The following RARB variants were observed in gnomAD, a reference collection of about 807,000 sequenced individuals.
RARB encodes retinoic acid receptor beta, also known as HBV-activated protein.
A neutral mutation model predicts 51.9 loss-of-function variants in RARB; 17 were observed. That is an observed-to-expected ratio of 0.33 (90% confidence interval 0.22 to 0.49). The LOEUF (loss-of-function observed/expected upper bound fraction) is 0.49, where lower values mean the gene tolerates loss of function less well. Among genes scored for constraint, RARB ranks in the 20% least tolerant of loss-of-function variants. The pLI, the probability that RARB is intolerant of heterozygous loss-of-function variation, is 0.99. For synonymous variants in RARB, 215 were observed against 195.4 expected (o/e 1.10, Z -0.84); for missense variants, 369 against 550.8 (o/e 0.67, Z 3.30).
intron 2 of RARB, among the ~76,000 whole-genome samples, chr3:25,489,715 C>G (rs1434962040): frequency 1.3e-5 from 2 of 152,152 alleles, no homozygotes; most frequent in African/African-American, 4.8e-5. Context: ...CAGTCCTGAA[C>G]CAAAGAACAA....
At chr3:25,074,592 T>G (rs922720458) in intron 3 of RARB, among the ~76,000 whole-genome samples, 1 of 152,170 alleles carries the variant, frequency 6.6e-6, no homozygotes, top group African/African-American at 2.4e-5. Flanking sequence ...AAGTTACATA[T>G]CTGTAGCTTT....
intron 5 of RARB, among the ~76,000 whole-genome samples, chr3:25,290,387 A>G (rs1703757555): frequency 6.6e-6 from 1 of 152,146 alleles, no homozygotes; most frequent in Non-Finnish European, 1.5e-5. Context: ...GCCTCAGAAG[A>G]AGCAACCCTC....
chr3:25,371,935 T>G (rs968417663), intron 5 of RARB, among the ~76,000 whole-genome samples: 10 of 152,088 alleles, frequency 6.6e-5, no homozygotes, highest in Admixed American at 5.9e-4. Context: ...AGGAGATGGA[T>G]TTGACGTTGA....
chr3:24,859,358 G>T (rs1702698019), intron 2 of RARB, among the ~76,000 whole-genome samples: 1 of 152,154 alleles, frequency 6.6e-6, no homozygotes, highest in South Asian at 2.1e-4. Context: ...TCGTTTTACA[G>T]CCATGTGATG....
intron 2 of RARB, among the ~76,000 whole-genome samples, chr3:25,046,480 G>T (rs1297852408): frequency 6.6e-6 from 1 of 152,026 alleles, no homozygotes; most frequent in Non-Finnish European, 1.5e-5. Flanking sequence ...TTGAGACAGG[G>T]TCTCACTCTG....
chr3:25,167,733 A>G (rs34370374), intron 4 of RARB, among the ~76,000 whole-genome samples: 14,280 of 152,266 alleles, frequency 0.094, 885 homozygotes, highest in South Asian at 0.24. Flanking sequence ...CCAAGCATCA[A>G]TATACCATAG....
chr3:25,040,429 G>A (rs1698088377), intron 2 of RARB, among the ~76,000 whole-genome samples: 1 of 152,082 alleles, frequency 6.6e-6, no homozygotes, highest in South Asian at 2.1e-4. Flanking sequence ...ATTGGTCCTT[G>A]ATATATTAGA....
intron 3 of RARB, among the ~76,000 whole-genome samples, chr3:25,502,570 A>G (rs979975839): frequency 7.2e-5 from 11 of 152,150 alleles, no homozygotes; most frequent in South Asian, 2.1e-4. Flanking sequence ...TTAGGTTTCA[A>G]TGTTTCAGAG....
At chr3:25,003,721 G>T (rs761089730) in intron 2 of RARB, among the ~76,000 whole-genome samples, 1 of 152,108 alleles carries the variant, frequency 6.6e-6, no homozygotes, top group Non-Finnish European at 1.5e-5. Context: ...AAGATGGATG[G>T]AAGTTACATG....
chr3:25,212,841 C>A (rs1701731800), intron 5 of RARB, among the ~76,000 whole-genome samples: 1 of 152,094 alleles, frequency 6.6e-6, no homozygotes, highest in South Asian at 2.1e-4. Context: ...AAGACCAAAG[C>A]AATTTAGGGA....
chr3:24,933,777 A>C (rs1209004275), intron 2 of RARB, among the ~76,000 whole-genome samples: 2 of 152,130 alleles, frequency 1.3e-5, no homozygotes, highest in Admixed American at 1.3e-4. Context: ...TTTTGTGATC[A>C]CTTTTCCCAT....
chr3:24,955,129 T>C lies in RARB; in HGVS notation c.-380+96377T>C, dbSNP rs758464569. 2.0e-5 allele frequency among the ~76,000 whole-genome samples: 3 copies of C among 152,092 alleles called. No individual in the cohort carries two copies. In the East Asian group the frequency reaches 5.8e-4, roughly 29 times the overall value. ...ATGGTGATGAATGCGGAGGATTTTATTAAGTGGAGGATTTTATGAAGCAGC... is the reference window on the plus strand; with the variant it reads ...ATGGTGATGAATGCGGAGGATTTTACTAAGTGGAGGATTTTATGAAGCAGC... On this transcript the variant is annotated intron_variant, in intron 2 of 11. Transcript: ENST00000383772.
chr3:25,194,385 A>T (rs1383588310), intron 5 of RARB, among the ~76,000 whole-genome samples: 1 of 151,690 alleles, frequency 6.6e-6, no homozygotes, highest in Non-Finnish European at 1.5e-5. Context: ...TGCTTTTACC[A>T]TATGCACATA....
At chr3:25,256,224 C>T (rs1702861712) in intron 5 of RARB, among the ~76,000 whole-genome samples, 1 of 152,082 alleles carries the variant, frequency 6.6e-6, no homozygotes, top group South Asian at 2.1e-4. Context: ...AACCAATATT[C>T]CACTGAAAAG....
chr3:25,325,199 A>G (rs1271595385), intron 5 of RARB, among the ~76,000 whole-genome samples: 2 of 152,078 alleles, frequency 1.3e-5, no homozygotes, highest in Non-Finnish European at 2.9e-5. Context: ...TAGCTTCCTG[A>G]TGTTGCCATG....
chr3:25,158,936 T>C (rs1332898072), intron 4 of RARB, among the ~76,000 whole-genome samples: 2 of 152,040 alleles, frequency 1.3e-5, no homozygotes, highest in Non-Finnish European at 2.9e-5. Context: ...GTAGGCGATT[T>C]GGGGGACTAG....
At chr3:25,527,802 G>C (rs1183748044) in intron 3 of RARB, among the ~76,000 whole-genome samples, 2 of 152,058 alleles carry the variant, frequency 1.3e-5, no homozygotes, top group African/African-American at 2.4e-5. Flanking sequence ...GATTATCTTT[G>C]CTTCTATGGA....
rs1301295626 is a variant in RARB, at chr3:25,369,791, A to AGG, written c.179-91402_179-91401insGG. ...TACAACATTAGCCTGGCATGGTGGC[A>AGG]CATGCCTGTAATCCCAGCTACTAGG... On this transcript the variant is annotated intron_variant, in intron 5 of 11. Transcript: ENST00000383772. Among the ~76,000 whole-genome samples the AGG allele has an allele frequency of 7.9e-5, 12 of 152,230 alleles. No homozygotes were observed. In the South Asian group the frequency reaches 2.1e-3, roughly 26 times the overall value.
intron 5 of RARB, among the ~76,000 whole-genome samples, chr3:25,181,239 C>G (rs1051236896): frequency 3.9e-5 from 6 of 152,084 alleles, no homozygotes; most frequent in African/African-American, 1.4e-4. Context: ...CCTTCAGGAC[C>G]TAGATTTTAT....
Sources: gnomAD v4.1 joint callset for allele counts (sites outside exome capture counted in the v4.1 genomes callset) on GRCh38, gnomAD v4.1.1 for gene constraint, MANE v1.5 for transcripts, NCBI Gene and HGNC (gene_info 2026-07-23, HGNC 2026-07-21) for gene names.